Variants in CUX1 observed in about 807,000 individuals in gnomAD.
CUX1 encodes the protein protein CASP.
A neutral mutation model predicts 158.8 loss-of-function variants in CUX1; 31 were observed. The ratio of observed to expected loss-of-function variants is 0.20; its 90% CI spans 0.15 to 0.26. CUX1 has a LOEUF of 0.26. Among genes scored for constraint, CUX1 ranks in the 10% least tolerant of loss-of-function variants. The pLI, the probability that CUX1 is intolerant of heterozygous loss-of-function variation, is 1.00. For synonymous variants in CUX1, 879 were observed against 862.1 expected, an observed-to-expected ratio of 1.02 and a Z score of -0.34; for missense variants, 1,589 against 2,014.6, an observed-to-expected ratio of 0.79 and a Z score of 4.04.
intron 12 of CUX1, among the ~76,000 whole-genome samples, chr7:102,192,915 T>G (rs1312951849): frequency 1.3e-5 from 2 of 152,172 alleles, no homozygotes; most frequent in African/African-American, 4.8e-5. Context: ...CAAGAAACAG[T>G]AATAATCCTG....
intron 1 of CUX1, among the ~76,000 whole-genome samples, chr7:101,870,391 C>T (rs1798396024): frequency 6.6e-6 from 1 of 151,866 alleles, no homozygotes; most frequent in East Asian, 1.9e-4. Flanking sequence ...AGTCTGGTTT[C>T]GAACTCCTGG....
At chr7:102,234,321 T>TGATGAG in intron 22 of CUX1, 81 bp downstream of exon 22, 1 of 1,301,698 alleles carries the variant, frequency 7.7e-7, no homozygotes, top group South Asian at 1.9e-5. Context: ...CACACACAGC[T>TGATGAG]GATGAGGGAC....
At chr7:102,071,876 C>T (rs1826174320) in intron 4 of CUX1, among the ~76,000 whole-genome samples, 1 of 152,180 alleles carries the variant, frequency 6.6e-6, no homozygotes, top group Non-Finnish European at 1.5e-5. Flanking sequence ...CAGGGAACAG[C>T]CTAATCGTAG....
chr7:102,273,120 A>T (rs1480195278), intron 14 of CUX1, among the ~76,000 whole-genome samples: 1 of 152,062 alleles, frequency 6.6e-6, no homozygotes, highest in Non-Finnish European at 1.5e-5. Context: ...TACCCAGGGG[A>T]TTTCATCAAT....
At chr7:102,185,545 G>A (rs1554515013) in intron 11 of CUX1, among the ~76,000 whole-genome samples, 1 of 151,544 alleles carries the variant, frequency 6.6e-6, no homozygotes, top group Non-Finnish European at 1.5e-5. Context: ...CCAGCCTCCT[G>A]AGTAGCTGGG....
At chr7:101,843,478 G>C (rs922549705) in intron 1 of CUX1, among the ~76,000 whole-genome samples, 1 of 152,016 alleles carries the variant, frequency 6.6e-6, no homozygotes, top group Non-Finnish European at 1.5e-5. Flanking sequence ...GGATTTTAAA[G>C]TTGTGCAATC....
intron 9 of CUX1, among the ~76,000 whole-genome samples, chr7:102,159,782 A>AC (rs1554506504): frequency 6.6e-6 from 1 of 152,130 alleles, no homozygotes; most frequent in East Asian, 1.9e-4. Flanking sequence ...AATCACTTGA[A>AC]CCCTGGAGGC....
At chr7:102,103,317 G>A (rs1462878470) in intron 5 of CUX1, among the ~76,000 whole-genome samples, 1 of 152,100 alleles carries the variant, frequency 6.6e-6, no homozygotes, top group African/African-American at 2.4e-5. Flanking sequence ...AGCACCACAT[G>A]TTTCTTGTCA....
chr7:102,280,962 G>A (rs1792023669), intron 20 of CUX1: 1 of 1,074,214 alleles, frequency 9.3e-7, no homozygotes, highest in African/African-American at 1.5e-5. Flanking sequence ...GGAGCCGCCA[G>A]CCCTGCCAAG....
chr7:102,018,922 G>T (rs376968540), intron 2 of CUX1, among the ~76,000 whole-genome samples: 65 of 152,216 alleles, frequency 4.3e-4, no homozygotes, highest in African/African-American at 1.5e-3. Context: ...CGAGGAAAAG[G>T]CAAGTAACAA....
At chr7:101,834,330 C>A (rs1443885579) in intron 1 of CUX1, among the ~76,000 whole-genome samples, 1 of 151,868 alleles carries the variant, frequency 6.6e-6, no homozygotes, top group African/African-American at 2.4e-5. Flanking sequence ...CCCGCCACCA[C>A]GCCCAGCTAA....
intron 1 of CUX1, among the ~76,000 whole-genome samples, chr7:101,897,513 AT>A (rs202134036): frequency 0.034 from 4,960 of 146,164 alleles, 196 homozygotes; most frequent in African/African-American, 0.097. Flanking sequence ...AAAAAAAAAA[AT>A]AATAATAATA....
At chr7:102,124,696 T>C (rs1270221182) in intron 8 of CUX1, among the ~76,000 whole-genome samples, 1 of 152,140 alleles carries the variant, frequency 6.6e-6, no homozygotes, top group Admixed American at 6.6e-5. Context: ...TACATATTTA[T>C]AGGTAGACAG....
At chr7:102,158,314 A>G (rs192042053) in intron 8 of CUX1, among the ~76,000 whole-genome samples, 23 of 152,212 alleles carry the variant, frequency 1.5e-4, no homozygotes, top group South Asian at 4.2e-4. Flanking sequence ...TGTCTCCCCA[A>G]TGAGATTGGG....
At chr7:102,205,042 C>A in intron 19 of CUX1, 72 bp from the exon 20 acceptor site, 1 of 1,123,594 alleles carries the variant, frequency 8.9e-7, no homozygotes, top group Non-Finnish European at 1.3e-6. Flanking sequence ...CCGGGCCTTG[C>A]CACATTCAGT....
At chr7:102,081,073 G>A (rs935338171) in intron 4 of CUX1, among the ~76,000 whole-genome samples, 1 of 152,152 alleles carries the variant, frequency 6.6e-6, no homozygotes, top group Non-Finnish European at 1.5e-5. Context: ...GGAGGTGACT[G>A]CCTGCTGAAT....
chr7:101,884,295 T>G (rs1190072418), intron 1 of CUX1, among the ~76,000 whole-genome samples: 2 of 152,226 alleles, frequency 1.3e-5, no homozygotes, highest in Non-Finnish European at 2.9e-5. Context: ...GTCAAGGTAA[T>G]TGGGATATAT....
At chr7:101,984,809 T>G (rs1341803357) in intron 2 of CUX1, among the ~76,000 whole-genome samples, 1 of 148,592 alleles carries the variant, frequency 6.7e-6, no homozygotes, top group Admixed American at 6.7e-5. Flanking sequence ...AATATATGAA[T>G]ACGAGGGCAT....
intron 4 of CUX1, among the ~76,000 whole-genome samples, chr7:102,093,213 GACCCTATCTCTTTAAAAAAAAAAAAAA>G (rs1828818800): frequency 8.8e-6 from 1 of 113,514 alleles, no homozygotes; most frequent in South Asian, 2.8e-4. Flanking sequence ...GCTGGAGTGA[GACCCTATCTCTTTAAAAAAAAAAAAAA>G]AAAAAGAAAG....
Sources: allele counts gnomAD v4.1 joint callset (sites outside exome capture counted in the v4.1 genomes callset), GRCh38; gene constraint gnomAD v4.1.1; transcripts MANE v1.5; gene names NCBI Gene and HGNC (gene_info 2026-07-23, HGNC 2026-07-21).